The following CHLSN variants were observed in gnomAD, a reference collection of about 807,000 sequenced individuals.
The protein encoded by CHLSN is cholesin.
the CHLSN span, chr7:1,044,486 A>ACCAAGGCTGGGGGCGGGG: frequency 4.1e-4 from 62 of 152,232 alleles, no homozygotes; most frequent in Non-Finnish European, 6.9e-4. Flanking sequence ...CCAGGGCGGG[A>ACCAAGGCTGGGGGCGGGG]CCAAGGCTGG....
chr7:1,028,873 C>A, the CHLSN span: 1 of 797,180 alleles, frequency 1.3e-6, no homozygotes, highest in Non-Finnish European at 1.5e-6. Context: ...CCCCAATCTG[C>A]CCCATCTCTC....
the CHLSN span, among the ~76,000 whole-genome samples, chr7:1,081,092 C>T: frequency 2.6e-5 from 4 of 152,264 alleles, no homozygotes; most frequent in South Asian, 2.1e-4. Context: ...GCCCCCCACC[C>T]GGCAGCCCAG....
the CHLSN span, among the ~76,000 whole-genome samples, chr7:1,108,721 G>A: frequency 1.7e-4 from 26 of 152,120 alleles, no homozygotes; most frequent in Non-Finnish European, 3.2e-4. Context: ...GAGATCACCC[G>A]GGTTGCCGTG....
At chr7:983,133 C>T in the CHLSN span, 33 of 1,242,688 alleles carry the variant, frequency 2.7e-5, no homozygotes, top group Non-Finnish European at 3.3e-5. Flanking sequence ...GGTGCGGGCA[C>T]GCCCTCCCGC....
At chr7:997,816 A>G in the CHLSN span, 5 of 1,601,116 alleles carry the variant, frequency 3.1e-6, no homozygotes, top group Non-Finnish European at 4.3e-6. Flanking sequence ...TGGACGGGAA[A>G]GAGATCGAGT....
the CHLSN span, among the ~76,000 whole-genome samples, chr7:1,017,572 G>A: frequency 5.3e-5 from 8 of 152,222 alleles, no homozygotes; most frequent in Non-Finnish European, 7.3e-5. Context: ...TCCACACAGC[G>A]GGGTGGAGGA....
At chr7:1,010,868 G>C in the CHLSN span, among the ~76,000 whole-genome samples, 1 of 152,084 alleles carries the variant, frequency 6.6e-6, no homozygotes, top group Non-Finnish European at 1.5e-5. Context: ...TTTTGGAAAA[G>C]TCAGAACATC....
chr7:985,964 C>T, the CHLSN span, among the ~76,000 whole-genome samples: 1 of 152,146 alleles, frequency 6.6e-6, no homozygotes, highest in African/African-American at 2.4e-5. Context: ...TCCACCCGTC[C>T]TAGCCAGGGT....
chr7:1,012,208 C>T, the CHLSN span, among the ~76,000 whole-genome samples: 1,256 of 152,380 alleles, frequency 8.2e-3, 9 homozygotes, highest in Middle Eastern at 0.031. Context: ...TGCACAGGGG[C>T]CGCCGCGGTG....
chr7:1,123,509 G>A, the CHLSN span, among the ~76,000 whole-genome samples: 2 of 151,978 alleles, frequency 1.3e-5, no homozygotes, highest in Non-Finnish European at 2.9e-5. The surrounding 1 kb of genome is among the most constrained non-coding windows in gnomAD (Gnocchi z 4.4). Context: ...TTTTCCACAC[G>A]CTCCCCCGGA....
the CHLSN span, among the ~76,000 whole-genome samples, chr7:994,775 T>A: frequency 9.2e-5 from 14 of 152,238 alleles, no homozygotes; most frequent in Non-Finnish European, 1.8e-4. Flanking sequence ...TTCTGACACC[T>A]GCACACACTT....
chr7:995,196 A>C, the CHLSN span, among the ~76,000 whole-genome samples: 1 of 152,184 alleles, frequency 6.6e-6, no homozygotes, highest in Non-Finnish European at 1.5e-5. Context: ...GCCCTCACTG[A>C]CCTGCACGGG....
At chr7:991,838 G>A in the CHLSN span, among the ~76,000 whole-genome samples, 130 of 152,310 alleles carry the variant, frequency 8.5e-4, no homozygotes, top group African/African-American at 2.7e-3. Flanking sequence ...CCCTGCTTGC[G>A]TTAAACACCC....
the CHLSN span, among the ~76,000 whole-genome samples, chr7:1,063,102 C>T: frequency 6.6e-6 from 1 of 152,188 alleles, no homozygotes; most frequent in African/African-American, 2.4e-5. Flanking sequence ...TGTCTTCTGG[C>T]ATCGCTCACA....
the CHLSN span, chr7:1,010,113 C>T: frequency 6.8e-6 from 11 of 1,612,290 alleles, no homozygotes; most frequent in Admixed American, 3.3e-5. Flanking sequence ...TCTGGCTCTG[C>T]GTCCAGCCCG....
the CHLSN span, chr7:1,000,457 G>A: frequency 1.0e-5 from 16 of 1,581,788 alleles, no homozygotes; most frequent in African/African-American, 8.1e-5. Flanking sequence ...TGCCTGCCCC[G>A]CCGTGCACAC....
chr7:1,105,883 G>T, the CHLSN span, among the ~76,000 whole-genome samples: 8 of 152,176 alleles, frequency 5.3e-5, no homozygotes, highest in Non-Finnish European at 2.9e-5. Flanking sequence ...ATTAAATTAA[G>T]AATGATATTA....
At chr7:979,899 C>G in the CHLSN span, among the ~76,000 whole-genome samples, 1 of 152,138 alleles carries the variant, frequency 6.6e-6, no homozygotes, top group Non-Finnish European at 1.5e-5. Flanking sequence ...TTCTGGAAAC[C>G]GGGTCACTGA....
the CHLSN span, among the ~76,000 whole-genome samples, chr7:1,017,963 A>G: frequency 3.3e-5 from 5 of 152,252 alleles, no homozygotes; most frequent in African/African-American, 1.2e-4. Flanking sequence ...CAGAAAGAAA[A>G]TAACTCCAGC....
Sources: allele counts gnomAD v4.1 joint callset (sites outside exome capture counted in the v4.1 genomes callset), GRCh38; gene constraint gnomAD v4.1.1; non-coding constraint Gnocchi (gnomAD v3.1); transcripts MANE v1.5; gene names NCBI Gene and HGNC (gene_info 2026-07-23, HGNC 2026-07-21).